Variants in MACROD2 observed in about 807,000 individuals in gnomAD.
MACROD2 encodes the protein mono-ADP ribosylhydrolase 2.
In MACROD2, 36 loss-of-function variants were observed where a neutral mutation model predicts 70.4. The ratio of observed to expected loss-of-function variants is 0.51; its 90% CI spans 0.39 to 0.68. The LOEUF (loss-of-function observed/expected upper bound fraction) is 0.68. Among genes scored for constraint, MACROD2 ranks in the 30% least tolerant of loss-of-function variants. MACROD2 has a pLI of 0.00. For missense variants in MACROD2, 496 were observed against 538.4 expected (o/e 0.92, Z 0.78); for synonymous variants, 172 against 178.8 (o/e 0.96, Z 0.30).
intron 6 of MACROD2, among the ~76,000 whole-genome samples, chr20:15,244,482 T>TGGA (rs58435353): frequency 3.9e-4 from 60 of 152,286 alleles, no homozygotes; most frequent in African/African-American, 1.3e-3. Flanking sequence ...AGTTTGGGTC[T>TGGA]GGAGACATGG....
At chr20:15,179,056 G>T (rs1195788873) in intron 5 of MACROD2, among the ~76,000 whole-genome samples, 2 of 152,158 alleles carry the variant, frequency 1.3e-5, no homozygotes, top group African/African-American at 4.8e-5. Flanking sequence ...GGTTACTTTA[G>T]GCTCCTATAT....
chr20:15,623,738 A>G (rs762147636), intron 8 of MACROD2, among the ~76,000 whole-genome samples: 4 of 151,224 alleles, frequency 2.6e-5, no homozygotes. Flanking sequence ...CTATGTATCT[A>G]TGTATCTATC....
chr20:15,974,578 T>C (rs941859443), intron 13 of MACROD2, among the ~76,000 whole-genome samples: 2 of 152,042 alleles, frequency 1.3e-5, no homozygotes, highest in African/African-American at 2.4e-5. Flanking sequence ...ATACTCTGTA[T>C]AATGCAGTAA....
intron 8 of MACROD2, among the ~76,000 whole-genome samples, chr20:15,518,160 GAC>G (rs941868961): frequency 3.3e-5 from 5 of 152,356 alleles, no homozygotes; most frequent in African/African-American, 1.2e-4. Flanking sequence ...GTAGTGTCTT[GAC>G]ACACAGTTTG....
intron 5 of MACROD2, among the ~76,000 whole-genome samples, chr20:15,220,078 A>G (rs572503353): frequency 3.3e-5 from 5 of 151,346 alleles, no homozygotes; most frequent in African/African-American, 1.2e-4. Flanking sequence ...CTTATTTTTA[A>G]ATCTTCCATA....
At chr20:15,210,415 T>C (rs2145945774) in intron 5 of MACROD2, among the ~76,000 whole-genome samples, 1 of 152,332 alleles carries the variant, frequency 6.6e-6, no homozygotes, top group South Asian at 2.1e-4. Context: ...GCCTTCCGTG[T>C]TTTGCATATT....
At chr20:14,812,252 A>G (rs1423112879) in intron 5 of MACROD2, among the ~76,000 whole-genome samples, 1 of 152,092 alleles carries the variant, frequency 6.6e-6, no homozygotes, top group Non-Finnish European at 1.5e-5. Context: ...CAGCCATAAA[A>G]AAGAATGAGT....
Position 14,380,125 on chromosome 20 carries a change from T to A in MACROD2, c.272-113354T>A, listed in dbSNP as rs373756210. ...TGTCTTCACCAACACTTTTCTTCTG[T>A]TTTTGGTTTTAGCCATCCTAGTGGG... On this transcript the variant is annotated intron_variant, in intron 3 of 17. Coordinates refer to ENST00000684519, the MANE Select transcript of MACROD2 (RefSeq NM_001351661.2). Among the ~76,000 whole-genome samples the A allele has an allele frequency of 2.6e-5, 4 of 152,220 alleles. No homozygotes were observed. The East Asian group carries it at 7.7e-4, about 29-fold the overall frequency.
At chr20:14,045,697 A>T (rs892488242) in intron 2 of MACROD2, among the ~76,000 whole-genome samples, 1 of 152,226 alleles carries the variant, frequency 6.6e-6, no homozygotes, top group African/African-American at 2.4e-5. Context: ...GACCCCTGTG[A>T]ATGTCAGATA....
intron 8 of MACROD2, among the ~76,000 whole-genome samples, chr20:15,854,972 C>T (rs538936899): frequency 1.2e-4 from 18 of 152,324 alleles, no homozygotes; most frequent in African/African-American, 4.3e-4. Context: ...TTCATGAAGG[C>T]TGGGACTTAA....
chr20:14,889,393 G>C (rs1202991176), intron 5 of MACROD2, among the ~76,000 whole-genome samples: 2 of 152,038 alleles, frequency 1.3e-5, no homozygotes, highest in Non-Finnish European at 2.9e-5. Flanking sequence ...TAGAATGCTT[G>C]AAACTAACTA....
intron 8 of MACROD2, among the ~76,000 whole-genome samples, chr20:15,817,115 T>C (rs2063885370): frequency 6.6e-6 from 1 of 152,244 alleles, no homozygotes; most frequent in Non-Finnish European, 1.5e-5. Context: ...TTTTATTGGT[T>C]GGTGTTTGAT....
chr20:14,660,085 T>C (rs1161160894), intron 4 of MACROD2, among the ~76,000 whole-genome samples: 2 of 152,192 alleles, frequency 1.3e-5, no homozygotes, highest in Admixed American at 6.5e-5. Context: ...GATCCACTCA[T>C]TGGTTTAAAA....
chr20:14,697,556 T>C (rs2046137310), intron 5 of MACROD2, among the ~76,000 whole-genome samples: 2 of 152,188 alleles, frequency 1.3e-5, no homozygotes, highest in African/African-American at 4.8e-5. Context: ...TTAAACACAT[T>C]CATATCACAC....
At chr20:14,230,848 T>C (rs2081803963) in intron 3 of MACROD2, among the ~76,000 whole-genome samples, 1 of 151,392 alleles carries the variant, frequency 6.6e-6, no homozygotes, top group South Asian at 2.1e-4. Flanking sequence ...ACAAGAAGGC[T>C]TGAAAGTTGA....
At chr20:15,477,099 G>GTTTTTTT (rs371999407) in intron 7 of MACROD2, among the ~76,000 whole-genome samples, 9 of 115,392 alleles carry the variant, frequency 7.8e-5, no homozygotes, top group Non-Finnish European at 1.4e-4. Context: ...TCTATTTTTA[G>GTTTTTTT]TTTTTTTTTT....
chr20:14,121,219 G>A (rs537350724), intron 3 of MACROD2, among the ~76,000 whole-genome samples: 53 of 152,096 alleles, frequency 3.5e-4, no homozygotes, highest in Non-Finnish European at 6.6e-4. Context: ...AAGTGATCCC[G>A]TCTTATGATT....
chr20:15,932,491 G>A (rs1020104461), intron 10 of MACROD2, among the ~76,000 whole-genome samples: 6 of 152,200 alleles, frequency 3.9e-5, no homozygotes, highest in African/African-American at 7.2e-5. Flanking sequence ...TCTGTTTTCT[G>A]TACTTCACTA....
intron 15 of MACROD2, among the ~76,000 whole-genome samples, chr20:15,998,369 C>G (rs1426091459): frequency 6.6e-6 from 1 of 152,092 alleles, no homozygotes; most frequent in Non-Finnish European, 1.5e-5. Flanking sequence ...CATTACTAGT[C>G]TATTCAGATA....
Sources: gnomAD v4.1 joint callset for allele counts (sites outside exome capture counted in the v4.1 genomes callset) on GRCh38, gnomAD v4.1.1 for gene constraint, MANE v1.5 for transcripts, NCBI Gene and HGNC (gene_info 2026-07-23, HGNC 2026-07-21) for gene names.